Variants in PCDHGA4 observed in about 807,000 individuals in gnomAD.
The protein encoded by PCDHGA4 is protocadherin gamma subfamily A, 4.
Under a neutral mutation model 54.6 loss-of-function variants are expected in PCDHGA4, and 38 were observed. That is an observed-to-expected ratio of 0.70 (90% CI 0.54 to 0.91). The LOEUF is 0.91. Ranked by LOEUF, PCDHGA4 falls within the 40% of genes least tolerant of loss-of-function variation. The pLI, the probability that PCDHGA4 is intolerant of heterozygous loss-of-function variation, is 0.00. For synonymous variants in PCDHGA4, 511 were observed against 512.9 expected (o/e 1.00, Z 0.05); for missense variants, 1,298 against 1,220.9 (o/e 1.06, Z -0.94).
chr5:141,481,207 C>T (rs1287298617), intron 1 of PCDHGA4, among the ~76,000 whole-genome samples: 3 of 152,154 alleles, frequency 2.0e-5, no homozygotes, highest in Non-Finnish European at 1.5e-5. Flanking sequence ...TTTTAAAAAA[C>T]ATGGTAAGGT....
At chr5:141,413,023 A>T in intron 1 of PCDHGA4, 1 of 729,646 alleles carries the variant, frequency 1.4e-6, no homozygotes, top group Non-Finnish European at 2.1e-6. Context: ...CACAAGCCCC[A>T]CAAACCGGCT....
intron 1 of PCDHGA4, chr5:141,364,402 C>A: frequency 6.2e-7 from 1 of 1,607,318 alleles, no homozygotes; most frequent in Non-Finnish European, 8.5e-7. Flanking sequence ...GGACGCTGTG[C>A]GAGCCAGGAT....
chr5:141,455,855 C>A (rs1267803457), intron 1 of PCDHGA4, among the ~76,000 whole-genome samples: 4 of 147,088 alleles, frequency 2.7e-5, no homozygotes, highest in African/African-American at 1.0e-4. Flanking sequence ...AAAATAATTT[C>A]TTTTATTATT....
intron 1 of PCDHGA4, chr5:141,383,409 C>T (rs199780721): frequency 1.2e-6 from 2 of 1,614,010 alleles, no homozygotes; most frequent in Non-Finnish European, 1.7e-6. Flanking sequence ...TCCAGAGTTA[C>T]CAGCTCAGCC....
intron 1 of PCDHGA4, among the ~76,000 whole-genome samples, chr5:141,359,848 T>C (rs1199292010): frequency 6.6e-6 from 1 of 152,126 alleles, no homozygotes; most frequent in Non-Finnish European, 1.5e-5. Flanking sequence ...ATGAAGACTT[T>C]ATAAATTAAA....
chr5:141,371,365 G>T, intron 1 of PCDHGA4: 1 of 1,614,006 alleles, frequency 6.2e-7, no homozygotes, highest in South Asian at 1.1e-5. Flanking sequence ...GCAAAGGATG[G>T]TGGACATCAC....
At chr5:141,366,741 G>C (rs772947820) in intron 1 of PCDHGA4, 1 of 1,611,828 alleles carries the variant, frequency 6.2e-7, no homozygotes, top group Non-Finnish European at 8.5e-7. Context: ...AAAGAAGAAC[G>C]GCGAGTTCAG....
intron 1 of PCDHGA4, chr5:141,372,658 G>A: frequency 1.9e-6 from 3 of 1,614,020 alleles, no homozygotes; most frequent in African/African-American, 1.3e-5. Context: ...TACAATCCGT[G>A]TGCTGCCTCA....
In PCDHGA4 at chr5:141,404,317, C is replaced by T. The variant is rs375857083; in HGVS notation, c.2514+46696C>T. On this transcript the variant is annotated intron_variant, in intron 1 of 3. Transcript: ENST00000571252. ...ATAATCCACCTGCTTTCTCTCAAGC[C>T]TCCTACTCAGTCTACCTCCCGGAAA... 6.2e-6 allele frequency: 10 copies of T among 1,613,780 alleles called. No homozygotes were observed. In the African/African-American group the frequency reaches 1.2e-4, roughly 19 times the overall value.
At chr5:141,406,331 C>A (rs577134835) in intron 1 of PCDHGA4, among the ~76,000 whole-genome samples, 22 of 152,002 alleles carry the variant, frequency 1.4e-4, no homozygotes, top group Non-Finnish European at 2.8e-4. Context: ...CTTACTCCTA[C>A]GATCATTTAT....
intron 1 of PCDHGA4, among the ~76,000 whole-genome samples, chr5:141,488,417 C>T (rs2099675171): frequency 6.6e-6 from 1 of 152,224 alleles, no homozygotes; most frequent in Non-Finnish European, 1.5e-5. Context: ...GCCAAGCCAT[C>T]CATGCTTGGC....
rs1763351021 is a variant in PCDHGA4, at chr5:141,364,473, T to C, written c.2514+6852T>C. On this transcript the variant is annotated intron_variant, in intron 1 of 3. Transcript: ENST00000571252. ...GACAAAGGCTCCTTCGTCGGCAACA[T>C]AGCCAAGGACCTTGGGCTGGAGCCC... 2.5e-6 allele frequency: 4 copies of C among 1,613,868 alleles called. No homozygotes were observed. The highest frequency in any genetic ancestry group is 2.5e-6 in the Non-Finnish European group (3 of 1,179,886).
chr5:141,400,678 TTG>T, intron 1 of PCDHGA4: 1 of 882,002 alleles, frequency 1.1e-6, no homozygotes, highest in Non-Finnish European at 1.7e-6. Flanking sequence ...GAGCAGTAAA[TTG>T]TGAGTTTTTA....
rs754530973 is a variant in PCDHGA4 at position 141,413,859 on chromosome 5, C to T, written c.2514+56238C>T. 11 of 1,613,248 alleles carry T rather than the reference C, an allele frequency of 6.8e-6. No individual in the cohort carries two copies. The Admixed American group carries it at 1.7e-4, about 24-fold the overall frequency. On this transcript the variant is annotated intron_variant, in intron 1 of 3. Transcript: ENST00000571252. ...ACGGGGGTGACCCTCTCCGATCTGG[C>T]ACTGTCCTTGTCAGTGTGACTGTCT...
intron 3 of PCDHGA4, 94 bp downstream of exon 3, chr5:141,505,575 C>T: frequency 6.3e-7 from 1 of 1,592,302 alleles, no homozygotes. Context: ...GATGTCAAAC[C>T]TGTGTAGTTT....
intron 1 of PCDHGA4, chr5:141,423,323 C>T (rs200492485): frequency 6.2e-7 from 1 of 1,614,146 alleles, no homozygotes; most frequent in East Asian, 2.2e-5. Flanking sequence ...GTGGCGGTGG[C>T]CGCAGTCTCC....
chr5:141,387,732 C>G (rs940812767), intron 1 of PCDHGA4: 1 of 1,279,212 alleles, frequency 7.8e-7, no homozygotes, highest in South Asian at 1.6e-5. Context: ...CAGCGCCAGC[C>G]TTTACACCGC....
At chr5:141,397,254 A>G (rs961705126) in intron 1 of PCDHGA4, among the ~76,000 whole-genome samples, 12 of 152,184 alleles carry the variant, frequency 7.9e-5, no homozygotes, top group Non-Finnish European at 1.3e-4. Flanking sequence ...AGGGTATATC[A>G]TTTCTTAGCT....
chr5:141,453,676 C>T (rs1387074223), intron 1 of PCDHGA4, among the ~76,000 whole-genome samples: 1 of 152,174 alleles, frequency 6.6e-6, no homozygotes, highest in Admixed American at 6.6e-5. Flanking sequence ...AAAGGTAACA[C>T]ACTATGTAGG....
Sources: allele counts gnomAD v4.1 joint callset (sites outside exome capture counted in the v4.1 genomes callset), GRCh38; gene constraint gnomAD v4.1.1; transcripts MANE v1.5; gene names NCBI Gene and HGNC (gene_info 2026-07-23, HGNC 2026-07-21).